Variants in IGF2BP3 observed in about 807,000 individuals in gnomAD.
IGF2BP3 encodes the protein insulin like growth factor 2 mRNA binding protein 3, also known as insulin-like growth factor 2 mRNA-binding protein 3.
In IGF2BP3, 9 loss-of-function variants were observed where a neutral mutation model predicts 73.8. The observed-to-expected ratio is 0.12, with a 90% CI of 0.07 to 0.21. IGF2BP3 has a LOEUF of 0.21. Among genes scored for constraint, IGF2BP3 ranks in the 10% least tolerant of loss-of-function variants. The probability of loss-of-function intolerance (pLI) is 1.00; values close to 1 mark genes in which losing one functional copy is unlikely to be tolerated. For missense variants in IGF2BP3, 542 were observed against 714.0 expected (o/e 0.76, Z 2.75); for synonymous variants, 258 against 256.7 (o/e 1.01, Z -0.05).
intron 3 of IGF2BP3, among the ~76,000 whole-genome samples, chr7:23,382,738 C>G (rs1187550147): frequency 6.6e-6 from 1 of 151,770 alleles, no homozygotes; most frequent in Non-Finnish European, 1.5e-5. Context: ...ATAACAAACT[C>G]AATACTTAAG....
chr7:23,359,867 C>CA (rs1366076337), intron 5 of IGF2BP3, among the ~76,000 whole-genome samples: 1 of 151,268 alleles, frequency 6.6e-6, no homozygotes, highest in African/African-American at 2.4e-5. Context: ...CAAAATTAGT[C>CA]AAAAAAAGAA....
rs1163555611 is a variant in IGF2BP3 at position 23,466,156 on chromosome 7, G to A, written c.236+2326C>T. ...GCCTCAGCCTCCCGAGTAGCTGGGTGGGATTACAGGCACCTGCTACCATGC... is the reference window on the plus strand; with the variant it reads ...GCCTCAGCCTCCCGAGTAGCTGGGTAGGATTACAGGCACCTGCTACCATGC... On this transcript the variant is annotated intron_variant, in intron 2 of 14. Coordinates refer to ENST00000258729, the MANE Select transcript of IGF2BP3 (RefSeq NM_006547.3). Among the ~76,000 whole-genome samples the A allele has an allele frequency of 2.0e-5, 3 of 152,078 alleles. No homozygotes were observed. In the East Asian group the frequency reaches 5.8e-4, roughly 29 times the overall value.
intron 2 of IGF2BP3, among the ~76,000 whole-genome samples, chr7:23,446,212 C>G (rs1788060265): frequency 6.6e-6 from 1 of 152,124 alleles, no homozygotes; most frequent in South Asian, 2.1e-4. Flanking sequence ...TTCCATGAGT[C>G]TAATATTAAT....
intron 3 of IGF2BP3, among the ~76,000 whole-genome samples, chr7:23,401,641 T>A (rs989326447): frequency 2.3e-4 from 35 of 152,170 alleles, no homozygotes; most frequent in Admixed American, 8.5e-4. Flanking sequence ...GGCAGTCACC[T>A]GTAATCCCAG....
chr7:23,350,806 A>G (rs17148050), intron 6 of IGF2BP3, among the ~76,000 whole-genome samples: 2,615 of 152,356 alleles, frequency 0.017, 67 homozygotes, highest in African/African-American at 0.059. Context: ...CCATCAAAAA[A>G]TATCCAGAAG....
chr7:23,470,245 C>G lies in IGF2BP3; in HGVS notation c.-135G>C. ...TAAAATACACAAACACAGTAAGAAC[C>G]AAGCACAAGAACGAGGAGTGAAAAA... On this transcript the variant is annotated 5_prime_UTR_variant, in exon 1 of 15. Transcript: ENST00000258729. 1 of 640,496 alleles carries G rather than the reference C, an allele frequency of 1.6e-6. No individual in the cohort carries two copies. Among genetic ancestry groups the G allele is most frequent in the Non-Finnish European group, 2.6e-6 (1 of 378,844 alleles). 39.7% of individuals were successfully genotyped at this position (640,496 alleles called of 1,614,324 possible). A position where few individuals can be genotyped will look rare whatever the true frequency, so the allele number is the denominator to read the frequency against.
intron 3 of IGF2BP3, chr7:23,415,308 G>A (rs377638064): frequency 3.3e-5 from 8 of 245,082 alleles, no homozygotes; most frequent in East Asian, 3.6e-4. Flanking sequence ...CACCACATCC[G>A]CAGGTCCCCG....
At chr7:23,323,051 G>C (rs1038290758) in intron 10 of IGF2BP3, among the ~76,000 whole-genome samples, 57 of 152,208 alleles carry the variant, frequency 3.7e-4, no homozygotes, top group African/African-American at 1.3e-3. Flanking sequence ...ATAATGACAT[G>C]ATCAAATTCA....
At chr7:23,404,730 C>G (rs1322222083) in intron 3 of IGF2BP3, among the ~76,000 whole-genome samples, 1 of 150,124 alleles carries the variant, frequency 6.7e-6, no homozygotes, top group Non-Finnish European at 1.5e-5. Context: ...ACAAAGTAGG[C>G]CATTCAGGAA....
chr7:23,325,244 G>A (rs1757804144), intron 10 of IGF2BP3, among the ~76,000 whole-genome samples: 1 of 152,178 alleles, frequency 6.6e-6, no homozygotes, highest in African/African-American at 2.4e-5. Context: ...CAAAATCAAT[G>A]TACAAAAATC....
At chr7:23,330,772 C>T (rs1015992467) in intron 10 of IGF2BP3, among the ~76,000 whole-genome samples, 2 of 151,952 alleles carry the variant, frequency 1.3e-5, no homozygotes, top group African/African-American at 2.4e-5. Context: ...ACTAGACATA[C>T]GGTCTAGAAT....
intron 1 of IGF2BP3, 96 bp from the exon 2 acceptor site, chr7:23,468,638 T>C: frequency 1.6e-6 from 2 of 1,277,408 alleles, no homozygotes; most frequent in Non-Finnish European, 2.3e-6. Flanking sequence ...AATGGCCTCC[T>C]GAGGCCCTCG....
At chr7:23,464,526 T>TA in intron 2 of IGF2BP3, among the ~76,000 whole-genome samples, 1 of 151,870 alleles carries the variant, frequency 6.6e-6, no homozygotes, top group African/African-American at 2.4e-5. Flanking sequence ...TAAAAGATCT[T>TA]ACTCTAAATT....
chr7:23,391,051 G>A lies in IGF2BP3; in HGVS notation c.285+27725C>T, dbSNP rs138678098. 2.7e-5 allele frequency among the ~76,000 whole-genome samples: 4 copies of A among 150,412 alleles called. 1 individual carries two copies. Among genetic ancestry groups the A allele is most frequent in the Non-Finnish European group, 5.9e-5 (4 of 67,632 alleles). ...TGGCCTCAAGTGATCTGCCCGTCTC[G>A]GCCTCCCAAAGTGCTGGGATTACAG... On this transcript the variant is annotated intron_variant, in intron 3 of 14. Coordinates refer to ENST00000258729, the MANE Select transcript of IGF2BP3 (RefSeq NM_006547.3).
At chr7:23,320,644 TAAAAA>T (rs35291021) in intron 10 of IGF2BP3, among the ~76,000 whole-genome samples, 1 of 115,340 alleles carries the variant, frequency 8.7e-6, no homozygotes, top group African/African-American at 3.3e-5. Context: ...TGCTTTTGTT[TAAAAA>T]AAAAAAAAAA....
intron 10 of IGF2BP3, among the ~76,000 whole-genome samples, chr7:23,330,598 G>T (rs965173776): frequency 1.3e-5 from 2 of 152,052 alleles, no homozygotes; most frequent in African/African-American, 4.8e-5. Context: ...GAAAAATAGG[G>T]GTGGACTGAA....
intron 10 of IGF2BP3, among the ~76,000 whole-genome samples, chr7:23,325,663 C>T (rs1583886345): frequency 6.6e-6 from 1 of 152,336 alleles, no homozygotes; most frequent in East Asian, 1.9e-4. Context: ...CACTACCTGA[C>T]TTCAAACTAT....
At chr7:23,340,516 A>G (rs1041481150) in intron 10 of IGF2BP3, among the ~76,000 whole-genome samples, 2 of 152,198 alleles carry the variant, frequency 1.3e-5, no homozygotes, top group Admixed American at 6.5e-5. Flanking sequence ...TCTAGGTAGT[A>G]ATACAGTGGA....
intron 10 of IGF2BP3, among the ~76,000 whole-genome samples, chr7:23,320,709 A>G (rs1363934121): frequency 1.3e-5 from 2 of 148,822 alleles, no homozygotes; most frequent in South Asian, 4.3e-4. Flanking sequence ...GCACTTTGGG[A>G]GGCCAAGGTG....
Sources: allele counts gnomAD v4.1 joint callset (sites outside exome capture counted in the v4.1 genomes callset), GRCh38; gene constraint gnomAD v4.1.1; transcripts MANE v1.5; gene names NCBI Gene and HGNC (gene_info 2026-07-23, HGNC 2026-07-21).